GPR89B: variants seen among roughly 807,000 people sequenced by gnomAD.
The protein encoded by GPR89B is golgi pH regulator B.
GPR89B carries 25 observed loss-of-function variants against 52.4 expected under a neutral mutation model. The ratio of observed to expected loss-of-function variants is 0.48; its 90% CI spans 0.35 to 0.67. The LOEUF (loss-of-function observed/expected upper bound fraction) is 0.67, where lower values mean the gene tolerates loss of function less well. Among genes scored for constraint, GPR89B ranks in the 30% least tolerant of loss-of-function variants. GPR89B has a pLI of 0.01. For synonymous variants in GPR89B, 52 were observed against 151.2 expected, an observed-to-expected ratio of 0.34 and a Z score of 4.81; for missense variants, 146 against 450.2, an observed-to-expected ratio of 0.32 and a Z score of 6.11.
intron 10 of GPR89B, among the ~76,000 whole-genome samples, chr1:147,976,972 C>T (rs1422897135): frequency 9.9e-5 from 15 of 151,156 alleles, no homozygotes; most frequent in East Asian, 9.7e-4. Context: ...TGGTGGCTCA[C>T]GCCGGTAATC....
At chr1:147,952,827 C>G (rs1655823771) in intron 5 of GPR89B, among the ~76,000 whole-genome samples, 2 of 150,528 alleles carry the variant, frequency 1.3e-5, no homozygotes, top group Non-Finnish European at 3.0e-5. Context: ...ATTACTCATT[C>G]ATCTATAAGT....
the GPR89B span, among the ~76,000 whole-genome samples, chr1:148,024,926 C>T: frequency 6.6e-6 from 1 of 151,954 alleles, no homozygotes. Flanking sequence ...ACCATCCTTC[C>T]GTATGCTCAG....
At chr1:147,987,033 A>G (rs1658718742) in intron 11 of GPR89B, among the ~76,000 whole-genome samples, 3 of 151,692 alleles carry the variant, frequency 2.0e-5, no homozygotes, top group African/African-American at 4.8e-5. Context: ...ACCCCCAGCC[A>G]TCCATCCCAG....
intron 10 of GPR89B, among the ~76,000 whole-genome samples, chr1:147,976,953 A>G (rs1657873237): frequency 6.6e-6 from 1 of 151,644 alleles, no homozygotes; most frequent in East Asian, 1.9e-4. Flanking sequence ...AAGAATGTTG[A>G]GCTGGGCGTG....
chr1:147,954,664 A>G (rs1334761527), intron 7 of GPR89B, among the ~76,000 whole-genome samples: 2 of 152,302 alleles, frequency 1.3e-5, no homozygotes, highest in Non-Finnish European at 2.9e-5. Context: ...TAAAATAACA[A>G]TAAAATTAAA....
chr1:148,014,167 G>T, the GPR89B span, among the ~76,000 whole-genome samples: 3 of 151,358 alleles, frequency 2.0e-5, no homozygotes, highest in African/African-American at 7.3e-5. Context: ...GACGCTGCCT[G>T]CCCGGGATCC....
chr1:147,968,576 A>T (rs1386287987), intron 8 of GPR89B: 5 of 481,900 alleles, frequency 1.0e-5, no homozygotes, highest in Non-Finnish European at 1.9e-5. Context: ...ATTACATTTG[A>T]CTTAATCTAA....
chr1:147,971,722 C>T (rs1193591719), intron 10 of GPR89B, among the ~76,000 whole-genome samples: 4 of 145,544 alleles, frequency 2.7e-5, no homozygotes, highest in African/African-American at 1.0e-4. Context: ...CCTTGTGATG[C>T]GCCTGCCTCA....
the GPR89B span, among the ~76,000 whole-genome samples, chr1:148,006,845 T>C: frequency 6.6e-6 from 1 of 151,598 alleles, no homozygotes; most frequent in Non-Finnish European, 1.5e-5. Context: ...GCCTCTCGAG[T>C]AGCTGGGACT....
At chr1:147,929,079 G>A (rs1409797626) in intron 1 of GPR89B, 1 of 939,524 alleles carries the variant, frequency 1.1e-6, no homozygotes, top group Non-Finnish European at 1.3e-6. Context: ...TCAGTATAAG[G>A]TAATACCTAT....
At chr1:148,001,788 G>C in the GPR89B span, among the ~76,000 whole-genome samples, 2 of 151,270 alleles carry the variant, frequency 1.3e-5, no homozygotes, top group East Asian at 3.9e-4. Flanking sequence ...TCTGACATTT[G>C]ATTTTGGCAA....
the GPR89B span, among the ~76,000 whole-genome samples, chr1:148,003,040 A>G: frequency 1.3e-5 from 2 of 152,208 alleles, no homozygotes; most frequent in African/African-American, 4.8e-5. Flanking sequence ...CATTATGGAC[A>G]TATGTCTCTT....
chr1:147,996,129 G>T (rs1201128335), downstream of GPR89B, among the ~76,000 whole-genome samples: 14 of 152,278 alleles, frequency 9.2e-5, no homozygotes, highest in Non-Finnish European at 1.3e-4. Context: ...CTTCTGGGAT[G>T]AAGGGGGATA....
rs1380932304 is a variant in GPR89B, at chr1:147,981,631, T to C, written c.910-4568T>C. Among the ~76,000 whole-genome samples the C allele has an allele frequency of 4.1e-4, 62 of 151,662 alleles. No individual in the cohort carries two copies. In the East Asian group the frequency reaches 0.01, roughly 25 times the overall value. The stretch of plus-strand genomic sequence containing the variant: ...ACTTTTGGGCCATTATCAATAATGC[T>C]GATGTGAACATTTGTGTATAATTTT... On this transcript the variant is annotated intron_variant, in intron 10 of 13. Coordinates refer to ENST00000314163, the MANE Select transcript of GPR89B (RefSeq NM_016334.5).
chr1:147,963,582 A>G (rs1230586775), intron 7 of GPR89B, among the ~76,000 whole-genome samples: 4 of 152,132 alleles, frequency 2.6e-5, no homozygotes, highest in Non-Finnish European at 1.5e-5. Context: ...ACATAACCAC[A>G]TGAAAAGGTG....
intron 5 of GPR89B, among the ~76,000 whole-genome samples, chr1:147,949,338 C>T (rs1469124045): frequency 1.4e-5 from 2 of 147,744 alleles, no homozygotes; most frequent in African/African-American, 2.6e-5. Flanking sequence ...TAGGGGCGGC[C>T]GGGCAGAGGT....
chr1:148,019,812 G>A, the GPR89B span, among the ~76,000 whole-genome samples: 1 of 151,976 alleles, frequency 6.6e-6, no homozygotes, highest in Non-Finnish European at 1.5e-5. Flanking sequence ...GCCTCCTTGG[G>A]TGGCCGACCA....
chr1:148,025,157 T>C, the GPR89B span, among the ~76,000 whole-genome samples: 8 of 151,900 alleles, frequency 5.3e-5, no homozygotes, highest in African/African-American at 1.9e-4. Context: ...CCTGGATGCA[T>C]GACTCAAGTA....
intron 10 of GPR89B, among the ~76,000 whole-genome samples, chr1:147,975,618 G>A (rs1263540504): frequency 2.8e-4 from 43 of 152,196 alleles, no homozygotes; most frequent in African/African-American, 8.4e-4. Flanking sequence ...TCCTGGATTC[G>A]TTGATTTTTT....
Sources: gnomAD v4.1 joint callset for allele counts (sites outside exome capture counted in the v4.1 genomes callset) on GRCh38, gnomAD v4.1.1 for gene constraint, MANE v1.5 for transcripts, NCBI Gene and HGNC (gene_info 2026-07-23, HGNC 2026-07-21) for gene names.